The following R3HDM1 variants were observed in gnomAD, a reference collection of about 807,000 sequenced individuals.
R3HDM1 encodes R3H domain-containing protein 1.
In R3HDM1, 46 loss-of-function variants were observed where a neutral mutation model predicts 141.1. The ratio of observed to expected loss-of-function variants is 0.33; its 90% CI spans 0.26 to 0.42. The LOEUF (loss-of-function observed/expected upper bound fraction) is 0.42. R3HDM1 is among the 10% of genes least tolerant of loss of function. The pLI, the probability that R3HDM1 is intolerant of heterozygous loss-of-function variation, is 1.00. For missense variants in R3HDM1, 1,184 were observed against 1,368.3 expected, an observed-to-expected ratio of 0.87 and a Z score of 2.12; for synonymous variants, 435 against 472.9, an observed-to-expected ratio of 0.92 and a Z score of 1.04.
In R3HDM1 at chr2:135,552,289, G is replaced by A. The variant is rs144252420; in HGVS notation, c.-250+20656G>A. On this transcript the variant is annotated intron_variant, in intron 1 of 26. Coordinates refer to ENST00000683871, the MANE Select transcript of R3HDM1 (RefSeq NM_001378107.1). ...TGGCTCATTGCAACCTCTGCCTCCC[G>A]AGTTCAAGCAATTCTCCCCCCTCAG... Among the ~76,000 whole-genome samples the A allele has an allele frequency of 3.1e-3, 470 of 152,054 alleles. 2 individuals are homozygous for A. Among genetic ancestry groups the A allele is most frequent in the Middle Eastern group, 6.8e-3 (2 of 294 alleles).
intron 15 of R3HDM1, among the ~76,000 whole-genome samples, chr2:135,642,643 T>TAATA (rs1276213226): frequency 6.6e-6 from 1 of 152,220 alleles, no homozygotes; most frequent in Non-Finnish European, 1.5e-5. Flanking sequence ...TTGATAACTT[T>TAATA]AAATCTCATA....
intron 2 of R3HDM1, 60 bp from the exon 3 acceptor site, chr2:135,604,746 G>A (rs1355891533): frequency 8.0e-7 from 1 of 1,250,956 alleles, no homozygotes. Flanking sequence ...CAGTAGGTCA[G>A]TATCATGCAG....
At chr2:135,710,397 C>A (rs1045288917) in intron 23 of R3HDM1, among the ~76,000 whole-genome samples, 166 bp downstream of exon 23, 19 of 152,170 alleles carry the variant, frequency 1.2e-4, no homozygotes, top group African/African-American at 4.6e-4. Context: ...GAGGCTGAGG[C>A]ACGGGGATCA....
chr2:135,720,175 C>G (rs1195612823), intron 24 of R3HDM1, among the ~76,000 whole-genome samples: 1 of 152,200 alleles, frequency 6.6e-6, no homozygotes, highest in African/African-American at 2.4e-5. Context: ...CTTCACACTT[C>G]ACTTTGCATC....
In R3HDM1 at chr2:135,630,281, C is replaced by CAAAAA. The variant is rs911009655; in HGVS notation, c.498-1414_498-1410dup. ...AACAAGAGCGAAACTCCTTCTCAAC[C>CAAAAA]AAAAAAAAAAAAAAAAAAAAAAAAA... On this transcript the variant is annotated intron_variant, in intron 7 of 26. Transcript: ENST00000683871. Among the ~76,000 whole-genome samples, 95 of 39,308 alleles carry CAAAAA rather than the reference C, an allele frequency of 2.4e-3. 3 individuals carry two copies. Among genetic ancestry groups the CAAAAA allele is most frequent in the African/African-American group, 4.2e-3 (46 of 10,826 alleles). 25.8% of individuals were successfully genotyped at this position (39,308 alleles called of 152,430 possible).
In R3HDM1 at chr2:135,681,423, T is replaced by C. The variant is rs954835616; in HGVS notation, c.2459+1099T>C. ...TATTTTCTCATTGTATTTAATGTAA[T>C]TCTCACATTGGCTGAATGATTGTAG... On this transcript the variant is annotated intron_variant, in intron 21 of 26. Coordinates refer to ENST00000683871, the MANE Select transcript of R3HDM1 (RefSeq NM_001378107.1). Among the ~76,000 whole-genome samples the C allele has an allele frequency of 4.6e-5, 7 of 152,258 alleles. No homozygotes were observed. In the South Asian group the frequency reaches 1.2e-3, roughly 27 times the overall value.
intron 1 of R3HDM1, among the ~76,000 whole-genome samples, chr2:135,568,406 G>C (rs1703285835): frequency 1.3e-5 from 2 of 151,482 alleles, no homozygotes; most frequent in South Asian, 2.1e-4. Flanking sequence ...CTGGAGTGCA[G>C]TTGTGTAATC....
intron 18 of R3HDM1, among the ~76,000 whole-genome samples, chr2:135,660,301 G>A (rs1263459583): frequency 5.3e-5 from 8 of 152,024 alleles, no homozygotes; most frequent in Non-Finnish European, 1.2e-4. Context: ...AGATATCTTG[G>A]GATAGGGCCC....
chr2:135,609,140 T>C (rs2060316526), intron 3 of R3HDM1, among the ~76,000 whole-genome samples: 1 of 152,152 alleles, frequency 6.6e-6, no homozygotes, highest in South Asian at 2.1e-4. Flanking sequence ...AGACATTACA[T>C]GTCATCTCAG....
At chr2:135,678,018 G>T (rs1021948746) in intron 20 of R3HDM1, among the ~76,000 whole-genome samples, 1 of 152,106 alleles carries the variant, frequency 6.6e-6, no homozygotes, top group Admixed American at 6.5e-5. Flanking sequence ...AAGCCGGAGT[G>T]CAGTGGTGTG....
intron 1 of R3HDM1, among the ~76,000 whole-genome samples, chr2:135,569,969 G>A (rs945743899): frequency 6.6e-6 from 1 of 152,130 alleles, no homozygotes; most frequent in Non-Finnish European, 1.5e-5. Flanking sequence ...CTCGTGATCT[G>A]TCCGCCTCGG....
chr2:135,592,572 A>C (rs918739490), intron 1 of R3HDM1, among the ~76,000 whole-genome samples: 32 of 152,170 alleles, frequency 2.1e-4, no homozygotes, highest in African/African-American at 7.2e-4. Context: ...AACAAAAAAA[A>C]CTATGTTTTC....
chr2:135,614,849 T>G (rs1215622248), intron 3 of R3HDM1, among the ~76,000 whole-genome samples: 1 of 151,980 alleles, frequency 6.6e-6, no homozygotes, highest in Non-Finnish European at 1.5e-5. Context: ...GATGGTGGCA[T>G]CTACCACCTA....
chr2:135,725,083 T>G lies in R3HDM1; in HGVS notation c.*791T>G, dbSNP rs2077029246. The G allele has an allele frequency of 6.6e-6, 1 of 152,564 alleles. No individual in the cohort carries two copies. Among genetic ancestry groups the G allele is most frequent in the Admixed American group, 6.5e-5 (1 of 15,268 alleles). 9.5% of individuals were successfully genotyped at this position (152,564 alleles called of 1,614,324 possible). On this transcript the variant is annotated 3_prime_UTR_variant, in exon 27 of 27. Coordinates refer to ENST00000683871, the MANE Select transcript of R3HDM1 (RefSeq NM_001378107.1). ...CACCTAAGGAAATGCATTTGATGAG[T>G]GCTGGAAACTTCTTAAGTGCTTTAC...
At chr2:135,629,648 A>C (rs1007564287) in intron 7 of R3HDM1, among the ~76,000 whole-genome samples, 1 of 152,242 alleles carries the variant, frequency 6.6e-6, no homozygotes, top group Non-Finnish European at 1.5e-5. Flanking sequence ...AGCATGTTCA[A>C]AGTACCTGAG....
chr2:135,536,024 T>G (rs1431116170), intron 1 of R3HDM1, among the ~76,000 whole-genome samples: 1 of 152,232 alleles, frequency 6.6e-6, no homozygotes, highest in African/African-American at 2.4e-5. Context: ...CCCTATAGTT[T>G]ATGATCTTTT....
chr2:135,614,902 G>A (rs1385219068), intron 3 of R3HDM1, among the ~76,000 whole-genome samples: 2 of 151,764 alleles, frequency 1.3e-5, no homozygotes, highest in East Asian at 1.9e-4. Flanking sequence ...ATTGTTAGAT[G>A]TGAGTTACAG....
rs758718891 is a variant in R3HDM1 at position 135,645,357 on chromosome 2, T to C, written c.1475-22T>C. 2.5e-6 allele frequency: 4 copies of C among 1,569,878 alleles called. No homozygotes were observed. The East Asian group carries it at 9.1e-5, about 36-fold the overall frequency. Reference sequence around the variant, plus strand: ...CCACCTGTATTCTAAGTTATTTTTTTCCCTCTTTTTGAATTTTTCAGGTCA... The same window carrying C: ...CCACCTGTATTCTAAGTTATTTTTTCCCCTCTTTTTGAATTTTTCAGGTCA... On this transcript the variant is annotated intron_variant, in intron 15 of 26. Transcript: ENST00000683871.
intron 7 of R3HDM1, among the ~76,000 whole-genome samples, chr2:135,630,281 C>CAAAAAAAAAAAAAAAAAAAAAAAA (rs911009655): frequency 2.5e-5 from 1 of 39,314 alleles, no homozygotes; most frequent in African/African-American, 9.2e-5. Context: ...CCTTCTCAAC[C>CAAAAAAAAAAAAAAAAAAAAAAAA]AAAAAAAAAA....
Sources: allele counts gnomAD v4.1 joint callset (sites outside exome capture counted in the v4.1 genomes callset), GRCh38; gene constraint gnomAD v4.1.1; transcripts MANE v1.5; gene names NCBI Gene and HGNC (gene_info 2026-07-23, HGNC 2026-07-21).